PRKG1: variants seen among roughly 807,000 people sequenced by gnomAD.
PRKG1 encodes cGMP-dependent protein kinase 1.
PRKG1 carries 35 observed loss-of-function variants against 88.1 expected under a neutral mutation model. The ratio of observed to expected loss-of-function variants is 0.40; its 90% CI spans 0.30 to 0.53. The LOEUF is 0.53. Ranked by LOEUF, PRKG1 falls within the 20% of genes least tolerant of loss-of-function variation. The probability of loss-of-function intolerance (pLI) is 0.59; values close to 1 mark genes in which losing one functional copy is unlikely to be tolerated. For missense variants in PRKG1, 540 were observed against 839.8 expected (o/e 0.64, Z 4.41); for synonymous variants, 303 against 292.5 (o/e 1.04, Z -0.37).
At chr10:51,704,124 A>G (rs1432368180) in intron 3 of PRKG1, among the ~76,000 whole-genome samples, 1 of 149,656 alleles carries the variant, frequency 6.7e-6, no homozygotes, top group Non-Finnish European at 1.5e-5. Flanking sequence ...AGCCTGGGCA[A>G]CAGAGTGAAA....
chr10:51,801,240 A>G (rs904286796), intron 3 of PRKG1, among the ~76,000 whole-genome samples: 20 of 152,134 alleles, frequency 1.3e-4, no homozygotes, highest in African/African-American at 4.6e-4. Context: ...GCCAGAGACA[A>G]TATGTAAATG....
intron 2 of PRKG1, among the ~76,000 whole-genome samples, chr10:51,206,229 C>T (rs1328061771): frequency 2.6e-5 from 4 of 151,902 alleles, no homozygotes; most frequent in African/African-American, 4.8e-5. Context: ...CGGTGGTTCA[C>T]GGCTGTAATC....
chr10:51,757,794 A>T (rs1214354892), intron 3 of PRKG1, among the ~76,000 whole-genome samples: 1 of 152,210 alleles, frequency 6.6e-6, no homozygotes, highest in Admixed American at 6.5e-5. Flanking sequence ...ATTACAATTA[A>T]TTTCACCTGT....
chr10:52,284,719 C>CAA (rs1301431489), intron 14 of PRKG1, among the ~76,000 whole-genome samples: 1 of 151,910 alleles, frequency 6.6e-6, no homozygotes, highest in Admixed American at 6.6e-5. Flanking sequence ...CTTGAAAAAG[C>CAA]AAAGACTGTT....
chr10:51,788,768 G>C (rs1042834839), intron 3 of PRKG1, among the ~76,000 whole-genome samples: 1 of 152,114 alleles, frequency 6.6e-6, no homozygotes, highest in African/African-American at 2.4e-5. Flanking sequence ...GTGATGTAGA[G>C]GTATATGACA....
At chr10:52,128,311 T>G (rs919218090) in intron 7 of PRKG1, 1 of 985,312 alleles carries the variant, frequency 1.0e-6, no homozygotes, top group Admixed American at 6.2e-5. Context: ...CTCTGACAGC[T>G]ACTTTGTATC....
At chr10:52,069,423 C>T (rs1231129637) in intron 7 of PRKG1, among the ~76,000 whole-genome samples, 1 of 151,886 alleles carries the variant, frequency 6.6e-6, no homozygotes, top group Admixed American at 6.6e-5. Flanking sequence ...TCCAGCTACT[C>T]GGGGGGCTGA....
intron 5 of PRKG1, among the ~76,000 whole-genome samples, chr10:51,956,657 A>C (rs1215297942): frequency 6.6e-6 from 1 of 152,140 alleles, no homozygotes; most frequent in Admixed American, 6.6e-5. Context: ...TTTATTTGAA[A>C]CTACGACAAC....
At chr10:51,608,239 A>T (rs1838816695) in intron 3 of PRKG1, among the ~76,000 whole-genome samples, 1 of 152,204 alleles carries the variant, frequency 6.6e-6, no homozygotes, top group Admixed American at 6.5e-5. Context: ...ACACCAAGAC[A>T]CTAGGATGAA....
intron 10 of PRKG1, among the ~76,000 whole-genome samples, chr10:52,260,008 C>G (rs1324902791): frequency 1.3e-5 from 2 of 151,780 alleles, no homozygotes; most frequent in Non-Finnish European, 2.9e-5. Flanking sequence ...TTACTTTTAT[C>G]TGAAAATGTC....
At chr10:52,152,387 A>C (rs892668953) in intron 8 of PRKG1, among the ~76,000 whole-genome samples, 4 of 152,106 alleles carry the variant, frequency 2.6e-5, no homozygotes, top group African/African-American at 4.8e-5. Context: ...TAAACAAACA[A>C]AGTGATTTTT....
At chr10:52,291,637 T>G (rs905292216) in intron 17 of PRKG1, among the ~76,000 whole-genome samples, 5 of 152,286 alleles carry the variant, frequency 3.3e-5, no homozygotes, top group African/African-American at 1.2e-4. Flanking sequence ...CACATTTTCT[T>G]AATCCAGTCT....
At chr10:51,446,443 C>G (rs912694262) in intron 2 of PRKG1, among the ~76,000 whole-genome samples, 1 of 151,922 alleles carries the variant, frequency 6.6e-6, no homozygotes, top group Non-Finnish European at 1.5e-5. Context: ...GATTATCTCT[C>G]TATAGGGTTT....
chr10:51,354,201 A>C (rs1588875193), intron 2 of PRKG1, among the ~76,000 whole-genome samples: 1 of 4,360 alleles, frequency 2.3e-4, no homozygotes, highest in Non-Finnish European at 3.2e-4. Context: ...AATGGGCACA[A>C]AAAAAAAAAT....
intron 1 of PRKG1, among the ~76,000 whole-genome samples, chr10:51,108,638 G>A (rs889765265): frequency 2.0e-5 from 3 of 152,010 alleles, no homozygotes; most frequent in African/African-American, 4.8e-5. Flanking sequence ...CTTCATAAAG[G>A]GCAGTTACAA....
At chr10:51,122,517 A>T (rs1480874060) in intron 1 of PRKG1, among the ~76,000 whole-genome samples, 1 of 152,168 alleles carries the variant, frequency 6.6e-6, no homozygotes, top group African/African-American at 2.4e-5. Context: ...TGTGATTAAG[A>T]TTTGGTCTCT....
chr10:50,998,000 T>A (rs1842852660), intron 1 of PRKG1, among the ~76,000 whole-genome samples: 1 of 152,200 alleles, frequency 6.6e-6, no homozygotes, highest in Non-Finnish European at 1.5e-5. Context: ...CAGTTTCCTA[T>A]GGAAAGGAGG....
intron 4 of PRKG1, among the ~76,000 whole-genome samples, chr10:51,842,330 C>G (rs763403528): frequency 6.6e-6 from 1 of 152,206 alleles, no homozygotes; most frequent in Non-Finnish European, 1.5e-5. Context: ...ATACTCTCAG[C>G]TGATGACTGA....
At chr10:52,216,993 A>G (rs889683987) in intron 9 of PRKG1, among the ~76,000 whole-genome samples, 1 of 152,126 alleles carries the variant, frequency 6.6e-6, no homozygotes, top group Admixed American at 6.5e-5. Context: ...AACAGATCCT[A>G]TAAATTGCAT....
Sources: allele counts gnomAD v4.1 joint callset (sites outside exome capture counted in the v4.1 genomes callset), GRCh38; gene constraint gnomAD v4.1.1; transcripts MANE v1.5; gene names NCBI Gene and HGNC (gene_info 2026-07-23, HGNC 2026-07-21).